LTBP4: variants seen among roughly 807,000 people sequenced by gnomAD.
LTBP4 encodes the protein latent-transforming growth factor beta-binding protein 4.
In LTBP4, 93 loss-of-function variants were observed where a neutral mutation model predicts 180.2. That is an observed-to-expected ratio of 0.52 (90% confidence interval 0.44 to 0.61). LTBP4 has a LOEUF of 0.61. Ranked by LOEUF, LTBP4 falls within the 20% of genes least tolerant of loss-of-function variation. The pLI is 0.00. For missense variants in LTBP4, 2,116 were observed against 2,256.5 expected, an observed-to-expected ratio of 0.94 and a Z score of 1.26; for synonymous variants, 947 against 934.5, an observed-to-expected ratio of 1.01 and a Z score of -0.24.
In LTBP4 at chr19:40,613,712, C is replaced by T; in HGVS notation, c.2557+183C>T. On this transcript the variant is annotated intron_variant, in intron 17 of 29. Coordinates refer to ENST00000396819, the MANE Select transcript of LTBP4 (RefSeq NM_001042545.2). The surrounding 1 kb of genome is among the most constrained non-coding windows in gnomAD (Gnocchi z 5.0). ...GGGGCGGGGCGTGGAGATGAAAGGGCCGAGTCTGGGTATTTGGACCGTGAT... is the reference window on the plus strand; with the variant it reads ...GGGGCGGGGCGTGGAGATGAAAGGGTCGAGTCTGGGTATTTGGACCGTGAT... The T allele has an allele frequency of 8.2e-7, 1 of 1,223,794 alleles. No individual in the cohort carries two copies. The allele number at this position is 1,223,794 out of a possible 1,614,324, so 75.8% of individuals were successfully genotyped here. A position where few individuals can be genotyped will look rare whatever the true frequency, so the allele number is the denominator to read the frequency against.
intron 7 of LTBP4, 31 bp downstream of exon 7, chr19:40,607,560 G>A (rs886175227): frequency 1.9e-6 from 3 of 1,576,232 alleles, no homozygotes; most frequent in South Asian, 1.1e-5. Context: ...CTAGCCCTAC[G>A]CGCAACACAT....
upstream of LTBP4, chr19:40,599,623 C>A: frequency 1.4e-6 from 2 of 1,475,426 alleles, no homozygotes; most frequent in Non-Finnish European, 1.9e-6. Context: ...CCCGTTTCCG[C>A]TCCTCCTCCC....
chr19:40,597,413 C>A, upstream of LTBP4: 1 of 1,481,432 alleles, frequency 6.8e-7, no homozygotes, highest in Non-Finnish European at 8.9e-7. Flanking sequence ...CCCCTTCCAC[C>A]CAATAAGTCT....
intron 7 of LTBP4, 69 bp from the exon 8 acceptor site, chr19:40,608,151 G>T: frequency 6.3e-7 from 1 of 1,576,626 alleles, no homozygotes; most frequent in East Asian, 2.3e-5. Flanking sequence ...GCCAAGGCCA[G>T]AGTCTGGGCT....
At chr19:40,623,464 C>T in intron 24 of LTBP4, 140 bp from the exon 25 acceptor site, 1 of 1,098,884 alleles carries the variant, frequency 9.1e-7, no homozygotes, top group African/African-American at 1.6e-5. Context: ...CATGAGCCAC[C>T]GCTCCTGGCC....
In LTBP4 at chr19:40,624,079, C is replaced by G; in HGVS notation, c.3829C>G (p.Leu1277Val). 6.4e-7 allele frequency: 1 copy of G among 1,555,640 alleles called. No homozygotes were observed. Among genetic ancestry groups the G allele is most frequent in the Non-Finnish European group, 8.7e-7 (1 of 1,147,554 alleles). ...CTGCGTCTCCAACGAGAGCCAGAGCCTCGGTAACCCCGCCCACGCCATCCA... is the reference window on the plus strand; with the variant it reads ...CTGCGTCTCCAACGAGAGCCAGAGCGTCGGTAACCCCGCCCACGCCATCCA... The part of the protein sequence containing the change: ...RRCVSNESQS[L>V]DDNLGVCWQE... The change falls in exon 26 of 30, where the codon CTC becomes GTC. Residue 1277 changes from leucine to valine, a missense_variant. This residue lies in a region of LTBP4 where 488 missense variants were observed against 458.8 expected (regional missense o/e 1.06). Transcript: ENST00000396819.
intron 26 of LTBP4, among the ~76,000 whole-genome samples, chr19:40,625,295 TATATATATATATA>T (rs2081622901): frequency 2.0e-4 from 3 of 15,040 alleles, no homozygotes; most frequent in Admixed American, 6.1e-4. Context: ...TATATATATA[TATATATATATATA>T]TATATATATT....
rs771503043 is a variant in LTBP4 at position 40,608,494 on chromosome 19, C to G, written c.1317C>G (p.Pro439=). The change falls in exon 9 of 30, where the codon CCC becomes CCG. Residue 439 remains proline, a synonymous_variant. Coordinates refer to ENST00000396819, the MANE Select transcript of LTBP4 (RefSeq NM_001042545.2). ...ATSRPSAGFL[P]THRLEPRPEP... is the part of the protein sequence containing the mutation. ...CCCCTTCTTTATCAGGCTTTCTGCC[C>G]ACCCATCGCCTGGAGCCCCGGCCTG... 2 of 1,603,584 alleles carry G rather than the reference C, an allele frequency of 1.2e-6. No homozygotes were observed. Among genetic ancestry groups the G allele is most frequent in the Non-Finnish European group, 1.7e-6 (2 of 1,175,394 alleles).
chr19:40,609,610 T>C lies in LTBP4; in HGVS notation c.1507T>C (p.Cys503Arg). The C allele has an allele frequency of 1.2e-6, 2 of 1,613,290 alleles. No homozygotes were observed. The highest frequency in any genetic ancestry group is 1.7e-6 in the Non-Finnish European group (2 of 1,179,818). Residue 503 changes from cysteine to arginine, a missense_variant, in exon 10 of 30, where the codon TGC becomes CGC. Cys to Arg is a radical substitution (Grantham distance 180). Transcript: ENST00000396819. This position sits in a 1 kb window ranked among gnomAD's most constrained non-coding sequence, Gnocchi z 4.9. ...RCISRPSGYT[C>R]ACDSGFRLSP... ...CATTTCCCGGCCCAGCGGCTACACC[T>C]GCGCTTGCGACTCTGGCTTCCGGCT...
In LTBP4 at chr19:40,625,850, C is replaced by T. The variant is rs116042470; in HGVS notation, c.3833-7C>T. The T allele has an allele frequency of 2.8e-4, 444 of 1,571,462 alleles. 1 individual carries two copies. In the African/African-American group the frequency reaches 5.6e-3, roughly 20 times the overall value. On this transcript the variant is annotated splice_region_variant and splice_polypyrimidine_tract_variant and intron_variant, in intron 26 of 29. Coordinates refer to ENST00000396819, the MANE Select transcript of LTBP4 (RefSeq NM_001042545.2). ...CCCACTCTGACACATGCTGTCTCCA[C>T]CTACAGATGACAATCTGGGAGTGTG...
At position 40,629,508 on chromosome 19, in the gene LTBP4, G is replaced by C; in HGVS notation, c.4632G>C (p.Thr1544=). ...TCTGCCGCCCGGGATTCGCACCCAC[G>C]CACCAGCCGCACCACTGTGCGCCCG... is the stretch of plus-strand genomic sequence containing the variant. ...RCICRPGFAP[T]HQPHHCAPAR... The change falls in exon 30 of 30, where the codon ACG becomes ACC. Residue 1544 remains threonine, a synonymous_variant. Coordinates refer to ENST00000396819, the MANE Select transcript of LTBP4 (RefSeq NM_001042545.2). This position sits in a 1 kb window ranked among gnomAD's most constrained non-coding sequence, Gnocchi z 4.5. 1 of 1,594,996 alleles carries C rather than the reference G, an allele frequency of 6.3e-7. No homozygotes were observed. Among genetic ancestry groups the C allele is most frequent in the Non-Finnish European group, 8.6e-7 (1 of 1,169,098 alleles).
chr19:40,610,513 G>A lies in LTBP4; in HGVS notation c.1685-19G>A. ...GGGGCTGTCTGCCCCAGTCCCAGCC[G>A]CCTGGTCTGTGCCTACAGATGTGGA... On this transcript the variant is annotated intron_variant, in intron 11 of 29. Coordinates refer to ENST00000396819, the MANE Select transcript of LTBP4 (RefSeq NM_001042545.2). 1 of 1,583,754 alleles carries A rather than the reference G, an allele frequency of 6.3e-7. No individual in the cohort carries two copies. Among genetic ancestry groups the A allele is most frequent in the South Asian group, 1.1e-5 (1 of 88,992 alleles).
chr19:40,607,140 CAG>C (rs1020975711), intron 6 of LTBP4, among the ~76,000 whole-genome samples: 1 of 152,208 alleles, frequency 6.6e-6, no homozygotes, highest in African/African-American at 2.4e-5. Context: ...AGATCCTTCT[CAG>C]AGTCTCTCAT....
upstream of LTBP4, chr19:40,597,220 T>A (rs1430730878): frequency 1.4e-6 from 2 of 1,467,924 alleles, no homozygotes; most frequent in Non-Finnish European, 1.8e-6. Flanking sequence ...GGAGCGGGAC[T>A]CGGCGCCCGA....
In LTBP4 at chr19:40,605,097, C is replaced by A. The variant is rs765673798; in HGVS notation, c.313C>A (p.Pro105Thr). The A allele has an allele frequency of 1.9e-6, 3 of 1,613,864 alleles. No individual in the cohort carries two copies. The highest frequency in any genetic ancestry group is 2.2e-5 in the South Asian group (2 of 91,076). ...CGTGAAGCCTGACCGCTGCCTCTGT[C>A]CCCCGGACTTCGCTGGCAAGTTCTG... ...VCVKPDRCLC[P>T]PDFAGKFCQL... The change falls in exon 2 of 30, where the codon CCC (proline) becomes ACC (threonine). Residue 105 changes from proline (P) to threonine (T), a missense_variant. Around this residue, in one of 5 missense-constraint regions of LTBP4, gnomAD observed 469 missense variants for 532.5 expected, o/e 0.88. Transcript: ENST00000396819. The surrounding 1 kb of genome is among the most constrained non-coding windows in gnomAD (Gnocchi z 5.5).
chr19:40,607,273 C>CCCCCCCCCCAACCAA, intron 6 of LTBP4, 92 bp from the exon 7 acceptor site: 1 of 811,726 alleles, frequency 1.2e-6, no homozygotes, highest in Non-Finnish European at 1.8e-6. Context: ...CCCCCACCCC[C>CCCCCCCCCCAACCAA]AACCCCAGAA....
In LTBP4 at chr19:40,621,836, C is replaced by T. The variant is rs56962332; in HGVS notation, c.3218-565C>T. 6.2e-3 allele frequency among the ~76,000 whole-genome samples: 938 copies of T among 151,742 alleles called. 17 individuals carry two copies. Among genetic ancestry groups the T allele is most frequent in the African/African-American group, 0.02 (844 of 41,352 alleles). ...TGATCTCGGCTCACTGCAACTTCCGCTCCCGGGTTCAAGCGATTCTCCTGC... is the reference window on the plus strand; with the variant it reads ...TGATCTCGGCTCACTGCAACTTCCGTTCCCGGGTTCAAGCGATTCTCCTGC... On this transcript the variant is annotated intron_variant, in intron 22 of 29. Transcript: ENST00000396819.
At chr19:40,600,233 A>G, upstream of LTBP4, 1 of 1,072,718 alleles carries the variant, frequency 9.3e-7, no homozygotes, top group Non-Finnish European at 1.2e-6. The surrounding 1 kb of genome is among the most constrained non-coding windows in gnomAD (Gnocchi z 4.4). Context: ...GGCCAGATAA[A>G]GCCGTCTGGT....
Position 40,627,020 on chromosome 19 carries a change from GC to G in LTBP4, c.4037del (p.Pro1346ArgfsTer16), listed in dbSNP as rs606231161. The G allele has an allele frequency of 1.3e-6, 2 of 1,599,260 alleles. No individual in the cohort carries two copies. Among genetic ancestry groups the G allele is most frequent in the African/African-American group, 1.3e-5 (1 of 74,606 alleles). ...LCNVLRPPAY[S>X]PPRPGGFGLP... ...AATGTGCTACGCCCCCCCGCATATA[GC>G]CCCCCGCGACCAGGTGGCTTTGGAC... On this transcript the variant is annotated frameshift_variant, in exon 28 of 30. Transcript: ENST00000396819. LOFTEE classifies it high-confidence loss of function.
Sources: gnomAD v4.1 joint callset for allele counts (sites outside exome capture counted in the v4.1 genomes callset) on GRCh38, gnomAD v4.1.1 for gene constraint, gnomAD v4.1.1 regional missense constraint, Gnocchi (gnomAD v3.1) non-coding constraint, MANE v1.5 for transcripts, NCBI Gene and HGNC (gene_info 2026-07-23, HGNC 2026-07-21) for gene names.